The following DGKB variants were observed in gnomAD, a reference collection of about 807,000 sequenced individuals.
DGKB encodes the protein 90 kDa diacylglycerol kinase.
In DGKB, 67 loss-of-function variants were observed where a neutral mutation model predicts 114.3. That is an observed-to-expected ratio of 0.59 (90% confidence interval 0.48 to 0.72). DGKB has a LOEUF of 0.72. Ranked by LOEUF, DGKB falls within the 30% of genes least tolerant of loss-of-function variation. The pLI, the probability that DGKB is intolerant of heterozygous loss-of-function variation, is 0.00. For missense variants in DGKB, 907 were observed against 975.2 expected, an observed-to-expected ratio of 0.93 and a Z score of 0.93; for synonymous variants, 398 against 323.1, an observed-to-expected ratio of 1.23 and a Z score of -2.49.
At chr7:14,151,162 C>T (rs1041535386) in intron 25 of DGKB, among the ~76,000 whole-genome samples, 16 of 151,946 alleles carry the variant, frequency 1.1e-4, no homozygotes, top group Non-Finnish European at 2.2e-4. Context: ...TCAAACAGAA[C>T]ATTAAGAGCT....
At chr7:14,771,772 A>G (rs1837444597) in intron 2 of DGKB, among the ~76,000 whole-genome samples, 2 of 149,894 alleles carry the variant, frequency 1.3e-5, no homozygotes, top group South Asian at 2.1e-4. Flanking sequence ...TCCACATTCA[A>G]TAGAGAATCC....
At chr7:14,261,087 A>G (rs1318566438) in intron 23 of DGKB, among the ~76,000 whole-genome samples, 1 of 152,142 alleles carries the variant, frequency 6.6e-6, no homozygotes, top group Non-Finnish European at 1.5e-5. Flanking sequence ...AGAAAACATA[A>G]AAAAATTAAT....
chr7:14,900,529 A>G (rs1476470352), intron 1 of DGKB, among the ~76,000 whole-genome samples: 5 of 152,114 alleles, frequency 3.3e-5, no homozygotes, highest in Non-Finnish European at 7.3e-5. Context: ...AGATTTCGCG[A>G]TCAGCAGCTA....
intron 17 of DGKB, among the ~76,000 whole-genome samples, chr7:14,594,803 T>C (rs574175073): frequency 1.3e-5 from 2 of 152,188 alleles, no homozygotes; most frequent in South Asian, 2.1e-4. Context: ...TAGACTTCTA[T>C]AGGGAAAAAA....
rs746824842 is a variant in DGKB at position 14,627,951 on chromosome 7, A to AAAC, written c.1167+2284_1167+2285insGTT. On this transcript the variant is annotated intron_variant, in intron 14 of 25. Coordinates refer to ENST00000402815, the MANE Select transcript of DGKB (RefSeq NM_001350709.2). ...GAGTGAGACCTTGTCTCAAAAAAAC[A>AAAC]AAAAAAAAAAACAACAAAAAAAACC... 3.0e-3 allele frequency among the ~76,000 whole-genome samples: 76 copies of AAAC among 25,072 alleles called. 1 individual carries two copies. Among genetic ancestry groups the AAAC allele is most frequent in the African/African-American group, 6.1e-3 (42 of 6,892 alleles). 16.4% of individuals were successfully genotyped at this position (25,072 alleles called of 152,430 possible).
intron 18 of DGKB, among the ~76,000 whole-genome samples, chr7:14,582,421 A>G (rs1800069586): frequency 6.6e-6 from 1 of 152,194 alleles, no homozygotes; most frequent in Admixed American, 6.5e-5. Flanking sequence ...GTTTAAATAG[A>G]GAGGCAATAT....
chr7:14,652,859 T>G (rs1201371844), intron 13 of DGKB, among the ~76,000 whole-genome samples: 1 of 152,138 alleles, frequency 6.6e-6, no homozygotes, highest in Non-Finnish European at 1.5e-5. Context: ...GAACAGACAC[T>G]TCTCAAAAGA....
chr7:14,493,873 C>A (rs1453459187), intron 20 of DGKB, among the ~76,000 whole-genome samples: 1 of 150,852 alleles, frequency 6.6e-6, no homozygotes, highest in East Asian at 2.0e-4. Context: ...AGCATGTAAA[C>A]TTCTCACATA....
At chr7:14,203,957 C>T (rs763596913) in intron 23 of DGKB, among the ~76,000 whole-genome samples, 47 of 151,854 alleles carry the variant, frequency 3.1e-4, no homozygotes, top group Middle Eastern at 3.2e-3. Flanking sequence ...CTACTCAAAT[C>T]TCATCCCTAT....
chr7:14,580,974 A>G, intron 18 of DGKB, 23 bp from the exon 19 acceptor site: 1 of 1,532,748 alleles, frequency 6.5e-7, no homozygotes, highest in Non-Finnish European at 8.9e-7. Flanking sequence ...AAAAAATACA[A>G]ATAAAGAAAA....
intron 2 of DGKB, among the ~76,000 whole-genome samples, chr7:14,827,444 C>T (rs191779183): frequency 1.7e-4 from 25 of 151,356 alleles, no homozygotes; most frequent in Non-Finnish European, 3.1e-4. Flanking sequence ...GAGACAGACA[C>T]AGACAGACAG....
intron 21 of DGKB, among the ~76,000 whole-genome samples, chr7:14,401,813 C>A (rs1823143225): frequency 6.6e-6 from 1 of 151,544 alleles, no homozygotes; most frequent in Admixed American, 6.6e-5. Context: ...CAATGGCAGT[C>A]AAATATGAAA....
chr7:14,787,385 G>A (rs1057453698), intron 2 of DGKB, among the ~76,000 whole-genome samples: 5 of 152,092 alleles, frequency 3.3e-5, no homozygotes, highest in African/African-American at 1.2e-4. Flanking sequence ...CTATCAAACA[G>A]AATAAAAAGC....
At chr7:14,851,555 T>C (rs1218540021) in intron 1 of DGKB, among the ~76,000 whole-genome samples, 3 of 152,172 alleles carry the variant, frequency 2.0e-5, no homozygotes, top group Admixed American at 6.5e-5. Context: ...ATACCTTTCA[T>C]CTCACATGGT....
chr7:14,307,608 G>C (rs2128499219), intron 23 of DGKB, among the ~76,000 whole-genome samples: 1 of 152,202 alleles, frequency 6.6e-6, no homozygotes, highest in Middle Eastern at 3.4e-3. Flanking sequence ...ATATTGTATT[G>C]AATGTCAATT....
At chr7:14,927,356 T>C (rs1162025097) in intron 1 of DGKB, among the ~76,000 whole-genome samples, 1 of 152,056 alleles carries the variant, frequency 6.6e-6, no homozygotes, top group African/African-American at 2.4e-5. Context: ...AACACTTTAT[T>C]TAACTTTTTT....
chr7:14,303,440 G>A (rs1249593538), intron 23 of DGKB, among the ~76,000 whole-genome samples: 1 of 151,862 alleles, frequency 6.6e-6, no homozygotes, highest in African/African-American at 2.4e-5. Context: ...CTATGTTTTT[G>A]TTATTATTGG....
intron 22 of DGKB, among the ~76,000 whole-genome samples, chr7:14,339,088 G>T (rs1191615687): frequency 6.6e-6 from 1 of 151,886 alleles, no homozygotes; most frequent in Non-Finnish European, 1.5e-5. Flanking sequence ...AAATTGTGAT[G>T]ATTGCCCCTG....
At chr7:14,182,262 T>C (rs1318371781) in intron 23 of DGKB, among the ~76,000 whole-genome samples, 1 of 152,024 alleles carries the variant, frequency 6.6e-6, no homozygotes, top group African/African-American at 2.4e-5. Context: ...TTCAAAATGT[T>C]ATTTATATTC....
Sources: allele counts gnomAD v4.1 joint callset (sites outside exome capture counted in the v4.1 genomes callset), GRCh38; gene constraint gnomAD v4.1.1; transcripts MANE v1.5; gene names NCBI Gene and HGNC (gene_info 2026-07-23, HGNC 2026-07-21).